Variants in ABCA3 observed in about 807,000 individuals in gnomAD.
ABCA3 encodes phospholipid-transporting ATPase ABCA3.
ABCA3 carries 88 observed loss-of-function variants against 172.8 expected under a neutral mutation model. The observed-to-expected ratio is 0.51, with a 90% CI of 0.43 to 0.61. The LOEUF (loss-of-function observed/expected upper bound fraction) is 0.61, where lower values mean the gene tolerates loss of function less well. ABCA3 is among the 20% of genes least tolerant of loss of function. The pLI is 0.00. For missense variants in ABCA3, 2,164 were observed against 2,301.0 expected, an observed-to-expected ratio of 0.94 and a Z score of 1.22; for synonymous variants, 1,066 against 983.8, an observed-to-expected ratio of 1.08 and a Z score of -1.56.
Position 2,292,189 on chromosome 16 carries a change from T to A in ABCA3, c.2464A>T (p.Ile822Phe). The change falls in exon 19 of 33, where the codon ATT becomes TTT. Residue 822 changes from isoleucine to phenylalanine, a missense_variant. Coordinates refer to ENST00000301732, the MANE Select transcript of ABCA3 (RefSeq NM_001089.3). Reference sequence around the variant, plus strand: ...GTGATGGATGCCCCAAAGCTGGCAATGCCCAGCTCTTTCTGCTTCTTCTCC... The same window carrying A: ...GTGATGGATGCCCCAAAGCTGGCAAAGCCCAGCTCTTTCTGCTTCTTCTCC... ...KLEKKQKELGIASFGASITTM... is the reference protein window; with the variant it reads ...KLEKKQKELGFASFGASITTM... 1 of 1,614,026 alleles carries A rather than the reference T, an allele frequency of 6.2e-7. No individual in the cohort carries two copies. Among genetic ancestry groups the A allele is most frequent in the East Asian group, 2.2e-5 (1 of 44,878 alleles).
chr16:2,283,172 C>A lies in ABCA3; in HGVS notation c.4035+14G>T. 6.2e-7 allele frequency: 1 copy of A among 1,611,992 alleles called. No individual in the cohort carries two copies. The highest frequency in any genetic ancestry group is 8.5e-7 in the Non-Finnish European group (1 of 1,179,576). ...AGCATCTCGCCAGTGTCCTGGGCTC[C>A]CGGAGCCACTCACCAGTGTCCGCCT... On this transcript the variant is annotated intron_variant, in intron 26 of 32. Transcript: ENST00000301732. This position sits in a 1 kb window ranked among gnomAD's most constrained non-coding sequence, Gnocchi z 5.4.
chr16:2,314,258 C>T (rs1398566364), intron 10 of ABCA3, among the ~76,000 whole-genome samples: 1 of 76,192 alleles, frequency 1.3e-5, no homozygotes, highest in Non-Finnish European at 2.9e-5. Flanking sequence ...CAAAATGTGG[C>T]CCCATCTACA....
chr16:2,324,682 G>T, intron 5 of ABCA3, 151 bp from the exon 6 acceptor site: 1 of 1,243,452 alleles, frequency 8.0e-7, no homozygotes, highest in Non-Finnish European at 1.1e-6. Flanking sequence ...TTCATCTTTG[G>T]CAGAGAGACA....
At chr16:2,296,528 G>A (rs868035052) in intron 17 of ABCA3, among the ~76,000 whole-genome samples, 4 of 152,142 alleles carry the variant, frequency 2.6e-5, no homozygotes, top group South Asian at 4.1e-4. Flanking sequence ...GAGCCACCAC[G>A]CCTGGCCCCA....
At chr16:2,294,137 C>A (rs1013369949) in intron 18 of ABCA3, among the ~76,000 whole-genome samples, 1 of 151,324 alleles carries the variant, frequency 6.6e-6, no homozygotes, top group Non-Finnish European at 1.5e-5. Flanking sequence ...CCTGCCTCAG[C>A]CTCCTGAGTA....
In ABCA3 at chr16:2,285,331, C is replaced by A; in HGVS notation, c.3483+111G>T. On this transcript the variant is annotated intron_variant, in intron 23 of 32. Coordinates refer to ENST00000301732, the MANE Select transcript of ABCA3 (RefSeq NM_001089.3). The surrounding 1 kb of genome is among the most constrained non-coding windows in gnomAD (Gnocchi z 4.7). Reference sequence around the variant, plus strand: ...TTCCAGCTGTCCTCCCTGAGTCGGGCCGAGCTGCCGGCCTAGGGGCTGCCC... The same window carrying A: ...TTCCAGCTGTCCTCCCTGAGTCGGGACGAGCTGCCGGCCTAGGGGCTGCCC... The A allele has an allele frequency of 7.5e-7, 1 of 1,338,068 alleles. No individual in the cohort carries two copies. Among genetic ancestry groups the A allele is most frequent in the Non-Finnish European group, 1.0e-6 (1 of 964,562 alleles). The allele number at this position is 1,338,068 out of a possible 1,614,324, so 82.9% of individuals were successfully genotyped here.
intron 12 of ABCA3, 68 bp downstream of exon 12, chr16:2,303,901 G>T: frequency 1.3e-6 from 2 of 1,567,826 alleles, no homozygotes; most frequent in South Asian, 1.1e-5. Flanking sequence ...AGGGGTCCCT[G>T]AGCAGGTACT....
At position 2,320,397 on chromosome 16, in the gene ABCA3, C is replaced by CT. The variant is rs1246984872; in HGVS notation, c.614-558dup. 6.4e-3 allele frequency among the ~76,000 whole-genome samples: 828 copies of CT among 129,036 alleles called. 3 individuals carry two copies. Among genetic ancestry groups the CT allele is most frequent in the African/African-American group, 0.02 (700 of 34,870 alleles). 84.7% of individuals were successfully genotyped at this position (129,036 alleles called of 152,430 possible). On this transcript the variant is annotated intron_variant, in intron 7 of 32. Transcript: ENST00000301732. ...ACAGGCGTGAGCCACTGCACCCGGCCTTTTTTTTTTTTGAGACAGTCTTGC... is the reference window on the plus strand; with the variant it reads ...ACAGGCGTGAGCCACTGCACCCGGCCTTTTTTTTTTTTTGAGACAGTCTTGC...
At chr16:2,312,076 T>TA (rs960630337) in intron 10 of ABCA3, among the ~76,000 whole-genome samples, 3 of 152,206 alleles carry the variant, frequency 2.0e-5, no homozygotes, top group East Asian at 3.8e-4. Flanking sequence ...CATACAATAT[T>TA]AAAAAAATTA....
chr16:2,331,827 A>C (rs1172209863), intron 1 of ABCA3, among the ~76,000 whole-genome samples: 3 of 152,202 alleles, frequency 2.0e-5, no homozygotes, highest in Non-Finnish European at 4.4e-5. Context: ...CCACTCCTAA[A>C]GCTGCCGCCT....
At chr16:2,320,409 TGA>T (rs2093724240) in intron 7 of ABCA3, among the ~76,000 whole-genome samples, 1 of 141,780 alleles carries the variant, frequency 7.1e-6, no homozygotes, top group Non-Finnish European at 1.5e-5. Flanking sequence ...TTTTTTTTTT[TGA>T]GACAGTCTTG....
intron 10 of ABCA3, among the ~76,000 whole-genome samples, chr16:2,311,157 A>C (rs1277312626): frequency 6.6e-6 from 1 of 151,956 alleles, no homozygotes; most frequent in Non-Finnish European, 1.5e-5. Context: ...TATTTTTAGT[A>C]GAGACGGGGT....
chr16:2,311,099 G>C (rs1296263053), intron 10 of ABCA3, among the ~76,000 whole-genome samples: 1 of 151,748 alleles, frequency 6.6e-6, no homozygotes, highest in Non-Finnish European at 1.5e-5. Flanking sequence ...TCAGCCTCCC[G>C]AGTCACTGGG....
Position 2,278,030 on chromosome 16 carries a change from G to T in ABCA3, c.4758C>A (p.Ile1586=), listed in dbSNP as rs773077045. The T allele has an allele frequency of 2.9e-5, 46 of 1,613,312 alleles. No individual in the cohort carries two copies. The highest frequency in any genetic ancestry group is 3.6e-5 in the Non-Finnish European group (43 of 1,180,030). ...ECEALCTRLA[I]MVQGQFKCLG... ...GGCACTTGAACTGCCCCTGCACCAT[G>T]ATGGCCAGCCGGGTGCACAGGGCCT... Residue 1586 remains isoleucine, a synonymous_variant, in exon 31 of 33, where the codon ATC becomes ATA. Transcript: ENST00000301732. The surrounding 1 kb of genome is among the most constrained non-coding windows in gnomAD (Gnocchi z 4.4).
chr16:2,308,059 T>A (rs2093700587), intron 11 of ABCA3, among the ~76,000 whole-genome samples: 1 of 152,130 alleles, frequency 6.6e-6, no homozygotes, highest in African/African-American at 2.4e-5. Flanking sequence ...TGAGACCCCA[T>A]CTCTATAAAA....
chr16:2,297,710 G>A lies in ABCA3; in HGVS notation c.2052+56C>T, dbSNP rs760828974. On this transcript the variant is annotated intron_variant, in intron 16 of 32. Transcript: ENST00000301732. This position sits in a 1 kb window ranked among gnomAD's most constrained non-coding sequence, Gnocchi z 5.6. ...CAAGGTGCCCGGGCCATGGCGGAAG[G>A]GCCATCCCAGGTCGAGCAGGAGGGG... 9.2e-5 allele frequency: 147 copies of A among 1,602,708 alleles called. No individual in the cohort carries two copies. Among genetic ancestry groups the A allele is most frequent in the Non-Finnish European group, 1.1e-4 (125 of 1,179,662 alleles).
intron 11 of ABCA3, among the ~76,000 whole-genome samples, chr16:2,304,866 G>A (rs1459222504): frequency 1.3e-5 from 2 of 151,982 alleles, no homozygotes; most frequent in Admixed American, 6.6e-5. Flanking sequence ...TAGTAGAGAC[G>A]GGGTTTCACT....
rs45538638 is a variant in ABCA3, at chr16:2,295,757, C to G, written c.2264-17G>C. ...AGCCGGCACCTGGAATACAGGGCCA[C>G]GTGTGAGATCTTTGGCTGATCCCCC... is the stretch of plus-strand genomic sequence containing the variant. On this transcript the variant is annotated splice_polypyrimidine_tract_variant and intron_variant, in intron 17 of 32. Transcript: ENST00000301732. 1 of 1,613,530 alleles carries G rather than the reference C, an allele frequency of 6.2e-7. No individual in the cohort carries two copies. The highest frequency in any genetic ancestry group is 8.5e-7 in the Non-Finnish European group (1 of 1,180,034).
chr16:2,301,040 C>A (rs888069097), intron 12 of ABCA3, among the ~76,000 whole-genome samples: 1 of 151,444 alleles, frequency 6.6e-6, no homozygotes, highest in Non-Finnish European at 1.5e-5. Context: ...ACCATCCTGG[C>A]TAACACGGTG....
Sources: allele counts gnomAD v4.1 joint callset (sites outside exome capture counted in the v4.1 genomes callset), GRCh38; gene constraint gnomAD v4.1.1; non-coding constraint Gnocchi (gnomAD v3.1); transcripts MANE v1.5; gene names NCBI Gene and HGNC (gene_info 2026-07-23, HGNC 2026-07-21).